The following EML1 variants were observed in gnomAD, a reference collection of about 807,000 sequenced individuals.
The protein encoded by EML1 is echinoderm microtubule-associated protein-like 1.
A neutral mutation model predicts 110.4 loss-of-function variants in EML1; 27 were observed. The ratio of observed to expected loss-of-function variants is 0.24; its 90% CI spans 0.18 to 0.34. EML1 has a LOEUF of 0.34. EML1 is among the 10% of genes least tolerant of loss of function. EML1 has a pLI of 1.00. For synonymous variants in EML1, 344 were observed against 385.8 expected (o/e 0.89, Z 1.27); for missense variants, 741 against 1,030.9 (o/e 0.72, Z 3.85).
In EML1 at chr14:99,914,077, A is replaced by T. The variant is rs1204510462; in HGVS notation, c.1495-102A>T. On this transcript the variant is annotated intron_variant, in intron 13 of 21. Transcript: ENST00000262233. ...ACATTATATACATATGTGTATATAAAACTGTTATAGGGACTATCATTATGA... is the reference window on the plus strand; with the variant it reads ...ACATTATATACATATGTGTATATAATACTGTTATAGGGACTATCATTATGA... 7 of 1,411,832 alleles carry T rather than the reference A, an allele frequency of 5.0e-6. No individual in the cohort carries two copies. In the African/African-American group the frequency reaches 8.6e-5, roughly 17 times the overall value. The allele number at this position is 1,411,832 out of a possible 1,614,324, so 87.5% of individuals were successfully genotyped here. A position where few individuals can be genotyped will look rare whatever the true frequency, so the allele number is the denominator to read the frequency against.
At chr14:99,894,847 C>A in intron 6 of EML1, 89 bp downstream of exon 6, 2 of 1,421,180 alleles carry the variant, frequency 1.4e-6, no homozygotes, top group Non-Finnish European at 9.3e-7. Context: ...AAACTTAAGT[C>A]CTCTTAAGCT....
chr14:99,877,737 A>G (rs2059316574), intron 3 of EML1, among the ~76,000 whole-genome samples: 1 of 152,138 alleles, frequency 6.6e-6, no homozygotes. Context: ...GATTTCTTCA[A>G]CCTCAGCACT....
At chr14:99,816,515 C>G (rs1438201468) in intron 1 of EML1, among the ~76,000 whole-genome samples, 1 of 152,220 alleles carries the variant, frequency 6.6e-6, no homozygotes, top group Non-Finnish European at 1.5e-5. Flanking sequence ...AGATAGGCCT[C>G]GTGCTACAGA....
intron 1 of EML1, among the ~76,000 whole-genome samples, chr14:99,837,642 T>C (rs2058561098): frequency 6.6e-6 from 1 of 152,224 alleles, no homozygotes; most frequent in Admixed American, 6.5e-5. Flanking sequence ...CATAAAAACC[T>C]AGGTATTTTA....
chr14:99,768,499 A>G (rs1429814208), upstream of EML1, among the ~76,000 whole-genome samples: 1 of 152,134 alleles, frequency 6.6e-6, no homozygotes. Flanking sequence ...TGGCTCACGG[A>G]ACTATCAGTC....
At chr14:99,841,448 G>A (rs1318840540) in intron 1 of EML1, among the ~76,000 whole-genome samples, 5 of 152,146 alleles carry the variant, frequency 3.3e-5, no homozygotes, top group African/African-American at 1.2e-4. Context: ...TCAGAAGGCA[G>A]GTGGTATTAG....
At chr14:99,798,162 T>C (rs1478427077) in intron 1 of EML1, among the ~76,000 whole-genome samples, 1 of 152,210 alleles carries the variant, frequency 6.6e-6, no homozygotes, top group Non-Finnish European at 1.5e-5. Flanking sequence ...TATCCATATA[T>C]TAGGTCATCA....
At chr14:99,832,661 T>C (rs1299599934) in intron 1 of EML1, among the ~76,000 whole-genome samples, 3 of 152,234 alleles carry the variant, frequency 2.0e-5, no homozygotes, top group Non-Finnish European at 2.9e-5. Context: ...CATCTGTATA[T>C]CTTCCTTGGC....
At chr14:99,914,981 A>G (rs2060009076) in intron 15 of EML1, 2 of 429,008 alleles carry the variant, frequency 4.7e-6, no homozygotes, top group South Asian at 4.9e-5. Context: ...TCTCTCAACC[A>G]TCCTAAGAGC....
At chr14:99,911,133 C>G (rs2059938834) in intron 12 of EML1, among the ~76,000 whole-genome samples, 1 of 152,174 alleles carries the variant, frequency 6.6e-6, no homozygotes, top group South Asian at 2.1e-4. Context: ...TCCAGAGAAA[C>G]AGCTCACTAG....
chr14:99,878,696 T>C, intron 4 of EML1, 77 bp downstream of exon 4: 1 of 1,521,596 alleles, frequency 6.6e-7, no homozygotes, highest in African/African-American at 1.4e-5. Context: ...AGTCAGAAGA[T>C]CCCCTCATAT....
chr14:99,870,991 C>G (rs1226676286), intron 3 of EML1, among the ~76,000 whole-genome samples: 3 of 151,974 alleles, frequency 2.0e-5, no homozygotes, highest in South Asian at 2.1e-4. Flanking sequence ...CAGTCTTGCT[C>G]TGTCACCCAG....
chr14:99,840,502 G>A (rs1035162450), intron 1 of EML1, among the ~76,000 whole-genome samples: 4 of 152,172 alleles, frequency 2.6e-5, no homozygotes, highest in African/African-American at 7.2e-5. Context: ...GCTGTGTGGC[G>A]TGGGGACACT....
chr14:99,825,448 A>G (rs1172809628), intron 1 of EML1, among the ~76,000 whole-genome samples: 1 of 152,034 alleles, frequency 6.6e-6, no homozygotes, highest in African/African-American at 2.4e-5. Flanking sequence ...TTGTGGGTGG[A>G]ACGTACCTCA....
intron 3 of EML1, among the ~76,000 whole-genome samples, chr14:99,869,447 C>T (rs1880338522): frequency 1.3e-5 from 2 of 152,134 alleles, no homozygotes; most frequent in African/African-American, 4.8e-5. Context: ...CCATCTCTTT[C>T]CCTCTCCATT....
upstream of EML1, among the ~76,000 whole-genome samples, chr14:99,791,413 C>T (rs971689802): frequency 2.2e-4 from 33 of 152,326 alleles, no homozygotes; most frequent in Non-Finnish European, 3.1e-4. Context: ...ACCATTCCTT[C>T]GGAATGTCCT....
intron 3 of EML1, among the ~76,000 whole-genome samples, chr14:99,869,821 C>A (rs1040534010): frequency 1.3e-5 from 2 of 152,160 alleles, no homozygotes; most frequent in African/African-American, 2.4e-5. Context: ...GAGCGTGGCA[C>A]CTCCTCCCCA....
intron 13 of EML1, among the ~76,000 whole-genome samples, chr14:99,913,516 C>T (rs1214254038): frequency 6.6e-6 from 1 of 152,142 alleles, no homozygotes; most frequent in Non-Finnish European, 1.5e-5. Flanking sequence ...CTGTTGCTAT[C>T]AGAAATTGTA....
intron 4 of EML1, among the ~76,000 whole-genome samples, chr14:99,884,194 A>G (rs939106063): frequency 1.3e-5 from 2 of 152,050 alleles, no homozygotes; most frequent in Admixed American, 1.3e-4. Flanking sequence ...TGCATCCCAG[A>G]CTGTTGGAGT....
Sources: allele counts gnomAD v4.1 joint callset (sites outside exome capture counted in the v4.1 genomes callset), GRCh38; gene constraint gnomAD v4.1.1; transcripts MANE v1.5; gene names NCBI Gene and HGNC (gene_info 2026-07-23, HGNC 2026-07-21).